The following LMX1B variants were observed in gnomAD, a reference collection of about 807,000 sequenced individuals.
The protein encoded by LMX1B is LIM homeobox transcription factor 1-beta.
In LMX1B, 12 loss-of-function variants were observed where a neutral mutation model predicts 51.4. The ratio of observed to expected loss-of-function variants is 0.23; its 90% confidence interval spans 0.15 to 0.38. The LOEUF (loss-of-function observed/expected upper bound fraction) is 0.38, where lower values mean the gene tolerates loss of function less well. Among genes scored for constraint, LMX1B ranks in the 10% least tolerant of loss-of-function variants. LMX1B has a pLI of 1.00. For synonymous variants in LMX1B, 237 were observed against 235.4 expected (o/e 1.01, Z -0.06); for missense variants, 445 against 571.1 (o/e 0.78, Z 2.25).
chr9:126,637,354 C>G (rs1835732290), intron 2 of LMX1B, among the ~76,000 whole-genome samples: 1 of 152,152 alleles, frequency 6.6e-6, no homozygotes, highest in Non-Finnish European at 1.5e-5. Context: ...CCTGAGCCTG[C>G]ACGTCACCCT....
At chr9:126,681,106 G>T (rs977978775) in intron 2 of LMX1B, among the ~76,000 whole-genome samples, 4 of 152,172 alleles carry the variant, frequency 2.6e-5, no homozygotes, top group African/African-American at 9.7e-5. Flanking sequence ...GAAACCAGTT[G>T]TCAGATGCCA....
rs920678949 is a variant in LMX1B at position 126,696,611 on chromosome 9, G to A, written c.*160G>A. ...TGGGCCTGACCACTGTGCCCGTTGGGTACAGCCAGACCGGTAGATGGGCAC... is the reference window on the plus strand; with the variant it reads ...TGGGCCTGACCACTGTGCCCGTTGGATACAGCCAGACCGGTAGATGGGCAC... On this transcript the variant is annotated 3_prime_UTR_variant, in exon 8 of 8. Coordinates refer to ENST00000373474, the MANE Select transcript of LMX1B (RefSeq NM_001174147.2). 5.3e-6 allele frequency: 4 copies of A among 755,004 alleles called. No homozygotes were observed. The highest frequency in any genetic ancestry group is 8.7e-6 in the Non-Finnish European group (4 of 458,200). The allele number at this position is 755,004 out of a possible 1,614,324, so 46.8% of individuals were successfully genotyped here. A position where few individuals can be genotyped will look rare whatever the true frequency, so the allele number is the denominator to read the frequency against.
chr9:126,696,118 C>T, intron 7 of LMX1B, 115 bp downstream of exon 7: 14 of 1,188,122 alleles, frequency 1.2e-5, no homozygotes, highest in Non-Finnish European at 1.7e-5. Context: ...GCAGCATGGC[C>T]AGCACAGCCC....
chr9:126,631,437 T>C (rs1025436601), intron 2 of LMX1B, among the ~76,000 whole-genome samples: 3 of 152,018 alleles, frequency 2.0e-5, no homozygotes, highest in Non-Finnish European at 4.4e-5. Flanking sequence ...TAATGCCTAT[T>C]AGGTCTGGGC....
At chr9:126,666,722 A>T (rs1004650418) in intron 2 of LMX1B, among the ~76,000 whole-genome samples, 20 of 152,214 alleles carry the variant, frequency 1.3e-4, no homozygotes, top group Non-Finnish European at 2.5e-4. Context: ...GACTCTGAAG[A>T]CTTCTGAGCA....
At chr9:126,653,152 T>TG (rs1836053306) in intron 2 of LMX1B, among the ~76,000 whole-genome samples, 1 of 135,276 alleles carries the variant, frequency 7.4e-6, no homozygotes, top group Non-Finnish European at 1.6e-5. Context: ...CTTTTTTTTT[T>TG]TTTTTTTTTT....
At chr9:126,682,739 A>G (rs1836698336) in intron 2 of LMX1B, among the ~76,000 whole-genome samples, 1 of 152,064 alleles carries the variant, frequency 6.6e-6, no homozygotes, top group Admixed American at 6.5e-5. Context: ...TACTAAAAAT[A>G]CAAATATTAG....
In LMX1B at chr9:126,658,611, G is replaced by A. The variant is rs781258126; in HGVS notation, c.327-32225G>A. On this transcript the variant is annotated intron_variant, in intron 2 of 7. Transcript: ENST00000373474. This position sits in a 1 kb window ranked among gnomAD's most constrained non-coding sequence, Gnocchi z 4.0. Reference sequence around the variant, plus strand: ...CTAAGTAACCAATTTAAAGGCAGGCGGCCGCACCCGGCAGCGTTATTACCT... The same window carrying A: ...CTAAGTAACCAATTTAAAGGCAGGCAGCCGCACCCGGCAGCGTTATTACCT... Among the ~76,000 whole-genome samples, 7 of 152,222 alleles carry A rather than the reference G, an allele frequency of 4.6e-5. No homozygotes were observed. Among genetic ancestry groups the A allele is most frequent in the African/African-American group, 1.7e-4 (7 of 41,458 alleles).
intron 2 of LMX1B, among the ~76,000 whole-genome samples, chr9:126,653,565 C>T (rs911130121): frequency 1.3e-5 from 2 of 152,150 alleles, no homozygotes; most frequent in African/African-American, 4.8e-5. Flanking sequence ...CTTGCACAGC[C>T]GCGGGACAAC....
chr9:126,619,658 C>T (rs1835372415), intron 2 of LMX1B, among the ~76,000 whole-genome samples: 1 of 152,208 alleles, frequency 6.6e-6, no homozygotes, highest in African/African-American at 2.4e-5. Flanking sequence ...CCATTTAACC[C>T]CGGCACCTTG....
rs186269741 is a variant in LMX1B, at chr9:126,671,199, C to T, written c.327-19637C>T. Among the ~76,000 whole-genome samples the T allele has an allele frequency of 3.6e-4, 55 of 152,362 alleles. No homozygotes were observed. Among genetic ancestry groups the T allele is most frequent in the Admixed American group, 9.8e-4 (15 of 15,308 alleles). On this transcript the variant is annotated intron_variant, in intron 2 of 7. Transcript: ENST00000373474. The surrounding 1 kb of genome is among the most constrained non-coding windows in gnomAD (Gnocchi z 4.4). ...CCCAGTAAACCCAGCTCTGCTTCGC[C>T]ACCGCCGAGCTCTGAGCTGGGGGGA...
chr9:126,690,911 C>T lies in LMX1B; in HGVS notation c.402C>T (p.Cys134=), dbSNP rs564506520. ...AGTTCGTGATGCGGGCGCTGGAGTG[C>T]GTGTACCACCTGGGCTGCTTCTGCT... ...PTEFVMRALE[C]VYHLGCFCCC... Residue 134 remains cysteine, a synonymous_variant, in exon 3 of 8, where the codon TGC becomes TGT. Coordinates refer to ENST00000373474, the MANE Select transcript of LMX1B (RefSeq NM_001174147.2). 9 of 1,613,994 alleles carry T rather than the reference C, an allele frequency of 5.6e-6. No homozygotes were observed. Among genetic ancestry groups the T allele is most frequent in the Middle Eastern group, 1.6e-4 (1 of 6,062 alleles).
chr9:126,650,182 G>T (rs1333158183), intron 2 of LMX1B, among the ~76,000 whole-genome samples: 1 of 152,208 alleles, frequency 6.6e-6, no homozygotes, highest in African/African-American at 2.4e-5. Context: ...GAGGAGGGCT[G>T]GGCATAGGAG....
Position 126,658,570 on chromosome 9 carries a change from C to T in LMX1B, c.327-32266C>T, listed in dbSNP as rs61185870. On this transcript the variant is annotated intron_variant, in intron 2 of 7. Transcript: ENST00000373474. The surrounding 1 kb of genome is among the most constrained non-coding windows in gnomAD (Gnocchi z 4.0). ...TCCTCAGAAGAAGGTGGCCTCGCCC[C>T]TCATCCATCATGCCTCTAAGTAACC... Among the ~76,000 whole-genome samples the T allele has an allele frequency of 0.084, 12,720 of 152,304 alleles. 914 individuals are homozygous for T. Among genetic ancestry groups the T allele is most frequent in the East Asian group, 0.36 (1,885 of 5,166 alleles).
chr9:126,675,665 C>T (rs1255596196), intron 2 of LMX1B, among the ~76,000 whole-genome samples: 10 of 148,246 alleles, frequency 6.7e-5, no homozygotes, highest in Admixed American at 4.7e-4. Context: ...GCAGAGGTTG[C>T]GGTGAGCCGG....
At chr9:126,692,470 A>T (rs1172579921) in intron 3 of LMX1B, among the ~76,000 whole-genome samples, 1 of 152,184 alleles carries the variant, frequency 6.6e-6, no homozygotes. Context: ...CACTGGGAGA[A>T]TGCACATGCT....
intron 2 of LMX1B, among the ~76,000 whole-genome samples, chr9:126,653,254 G>C (rs531143427): frequency 2.1e-4 from 30 of 142,716 alleles, no homozygotes; most frequent in Admixed American, 6.0e-4. Flanking sequence ...CCAGGCTGAA[G>C]CAATTCTCCT....
At chr9:126,624,906 G>C (rs1835491200) in intron 2 of LMX1B, among the ~76,000 whole-genome samples, 1 of 152,118 alleles carries the variant, frequency 6.6e-6, no homozygotes, top group Non-Finnish European at 1.5e-5. Flanking sequence ...GGTGGGGGGA[G>C]AGTCCGGCCA....
At chr9:126,670,563 T>C (rs949017963) in intron 2 of LMX1B, among the ~76,000 whole-genome samples, 2 of 152,150 alleles carry the variant, frequency 1.3e-5, no homozygotes, top group African/African-American at 4.8e-5. Context: ...TTGACACGCT[T>C]GAGTACACGT....
Sources: gnomAD v4.1 joint callset for allele counts (sites outside exome capture counted in the v4.1 genomes callset) on GRCh38, gnomAD v4.1.1 for gene constraint, Gnocchi (gnomAD v3.1) non-coding constraint, MANE v1.5 for transcripts, NCBI Gene and HGNC (gene_info 2026-07-23, HGNC 2026-07-21) for gene names.